The following CCDC90B variants were observed in gnomAD, a reference collection of about 807,000 sequenced individuals.
The protein encoded by CCDC90B is coiled-coil domain-containing protein 90B, mitochondrial.
CCDC90B carries 24 observed loss-of-function variants against 37.0 expected under a neutral mutation model. That is an observed-to-expected ratio of 0.65 (90% CI 0.47 to 0.91). CCDC90B has a LOEUF of 0.91. CCDC90B is among the 40% of genes least tolerant of loss of function. The pLI is 0.00. For synonymous variants in CCDC90B, 113 were observed against 101.1 expected (o/e 1.12, Z -0.71); for missense variants, 319 against 299.0 (o/e 1.07, Z -0.49).
At chr11:83,281,175 G>T (rs1234038763) in intron 1 of CCDC90B, among the ~76,000 whole-genome samples, 1 of 152,166 alleles carries the variant, frequency 6.6e-6, no homozygotes, top group Non-Finnish European at 1.5e-5. Flanking sequence ...ACTCCATGCT[G>T]TCTCTCTTAT....
Position 83,274,653 on chromosome 11 carries a change from TCA to T in CCDC90B, c.410_411del (p.Leu137GlnfsTer5). 1.2e-6 allele frequency: 2 copies of T among 1,603,332 alleles called. No individual in the cohort carries two copies. The highest frequency in any genetic ancestry group is 1.7e-6 in the Non-Finnish European group (2 of 1,173,840). On this transcript the variant is annotated frameshift_variant, in exon 4 of 9. Transcript: ENST00000529689. LOFTEE classifies it high-confidence loss of function. ...ATTTGTATCACCTCATTCTCTGCTC[TCA>T]GATTTGCAAATTCACTTTTCTCTAG... ...VILEKSEFAN[L>X]RAENEKMKIE... is the part of the protein sequence containing the mutation.
intron 3 of CCDC90B, 92 bp from the exon 4 acceptor site, chr11:83,274,832 A>C: frequency 1.3e-6 from 1 of 765,160 alleles, no homozygotes; most frequent in Admixed American, 2.5e-5. Context: ...TGAATTTGTT[A>C]ACATGCTACA....
At chr11:83,262,632 A>T (rs1483632852) in intron 8 of CCDC90B, among the ~76,000 whole-genome samples, 1 of 152,220 alleles carries the variant, frequency 6.6e-6, no homozygotes, top group East Asian at 1.9e-4. Context: ...ATGAATTTTT[A>T]AAAACAGACA....
intron 2 of CCDC90B, among the ~76,000 whole-genome samples, chr11:83,279,158 G>A (rs1350518674): frequency 5.3e-5 from 8 of 152,134 alleles, no homozygotes; most frequent in South Asian, 2.1e-4. Flanking sequence ...GCGGGCGCCC[G>A]TAGTCCCAGC....
Position 83,266,326 on chromosome 11 carries a change from G to A in CCDC90B, c.595-347C>T, listed in dbSNP as rs530112905. Among the ~76,000 whole-genome samples the A allele has an allele frequency of 4.6e-5, 7 of 152,336 alleles. No homozygotes were observed. The South Asian group carries it at 1.2e-3, about 27-fold the overall frequency. On this transcript the variant is annotated intron_variant, in intron 7 of 8. Transcript: ENST00000529689. ...GCATTGCCTCACCCTGGAAGCGCAAGGGGTCAGCGGATTTCCCTTTCCTAG... is the reference window on the plus strand; with the variant it reads ...GCATTGCCTCACCCTGGAAGCGCAAAGGGTCAGCGGATTTCCCTTTCCTAG...
At position 83,261,953 on chromosome 11, in the gene CCDC90B, AG is replaced by A. The variant is rs768829882; in HGVS notation, c.722del (p.Thr241IlefsTer5). 12 of 1,600,426 alleles carry A rather than the reference AG, an allele frequency of 7.5e-6. No homozygotes were observed. The highest frequency in any genetic ancestry group is 1.0e-5 in the Non-Finnish European group (12 of 1,172,502). ...TIRYLAASVF[T>X]CLAIALGFYR... ...AAAATCCCAATGCTATTGCCAGGCA[AG>A]TAAACACCGAAGCTGTGAAAAGAAG... is the stretch of plus-strand genomic sequence containing the variant. On this transcript the variant is annotated frameshift_variant, in exon 9 of 9. Coordinates refer to ENST00000529689, the MANE Select transcript of CCDC90B (RefSeq NM_021825.5). LOFTEE classifies it high-confidence loss of function.
At chr11:83,263,923 A>C (rs547280468) in intron 8 of CCDC90B, among the ~76,000 whole-genome samples, 7 of 152,328 alleles carry the variant, frequency 4.6e-5, no homozygotes, top group South Asian at 2.1e-4. Context: ...TGGCACCTCA[A>C]CATCAGTAGT....
At chr11:83,270,294 G>A (rs1864575523) in intron 7 of CCDC90B, among the ~76,000 whole-genome samples, 1 of 152,230 alleles carries the variant, frequency 6.6e-6, no homozygotes, top group African/African-American at 2.4e-5. Flanking sequence ...AGTGTTGGAA[G>A]TTCTGGCCAG....
chr11:83,262,090 T>C lies in CCDC90B; in HGVS notation c.710-124A>G, dbSNP rs533904821. 1.3e-5 allele frequency: 8 copies of C among 614,710 alleles called. No individual in the cohort carries two copies. The African/African-American group carries it at 1.5e-4, about 12-fold the overall frequency. The allele number at this position is 614,710 out of a possible 1,614,324, so 38.1% of individuals were successfully genotyped here. A position where few individuals can be genotyped will look rare whatever the true frequency, so the allele number is the denominator to read the frequency against. On this transcript the variant is annotated intron_variant, in intron 8 of 8. Transcript: ENST00000529689. The stretch of plus-strand genomic sequence containing the variant: ...GAAATCCAACCAATTTTCTATCCTA[T>C]GTTTTTTATTCCCTAGACAATTAAG...
chr11:83,263,804 C>T (rs560565707), intron 8 of CCDC90B, among the ~76,000 whole-genome samples: 4 of 152,256 alleles, frequency 2.6e-5, no homozygotes, highest in Admixed American at 2.6e-4. Context: ...CACACAGTCA[C>T]AGATTTAAAG....
chr11:83,285,858 G>A lies in CCDC90B; in HGVS notation c.100+15C>T, dbSNP rs758608720. The A allele has an allele frequency of 2.5e-6, 4 of 1,606,804 alleles. No individual in the cohort carries two copies. The highest frequency in any genetic ancestry group is 3.4e-6 in the Non-Finnish European group (4 of 1,177,990). ...GAGAGCACTCAGGCATCTATGACAC[G>A]ACGCCTTGCCTCACCTCTCCGCAGG... On this transcript the variant is annotated intron_variant, in intron 1 of 8. Coordinates refer to ENST00000529689, the MANE Select transcript of CCDC90B (RefSeq NM_021825.5).
intron 8 of CCDC90B, among the ~76,000 whole-genome samples, chr11:83,262,884 T>C (rs796658622): frequency 6.6e-5 from 10 of 152,330 alleles, no homozygotes; most frequent in East Asian, 5.8e-4. Context: ...TGGGCAATTA[T>C]ATATTCTCCC....
At chr11:83,269,877 C>A (rs749181781) in intron 7 of CCDC90B, among the ~76,000 whole-genome samples, 1 of 152,176 alleles carries the variant, frequency 6.6e-6, no homozygotes, top group African/African-American at 2.4e-5. Flanking sequence ...GAGCAATATC[C>A]GTGATGAACG....
At chr11:83,281,421 G>GT (rs200211433) in intron 1 of CCDC90B, among the ~76,000 whole-genome samples, 21 of 151,742 alleles carry the variant, frequency 1.4e-4, no homozygotes, top group East Asian at 5.8e-4. Context: ...AACAGATATT[G>GT]TTTTTTTTAA....
intron 1 of CCDC90B, chr11:83,285,159 A>T: frequency 1.6e-6 from 2 of 1,282,052 alleles, no homozygotes; most frequent in South Asian, 1.3e-5. Flanking sequence ...GTGAACAGAG[A>T]TAAGAGGTGC....
rs145338035 is a variant in CCDC90B, at chr11:83,279,073, G to A, written c.221-244C>T. Among the ~76,000 whole-genome samples, 314 of 152,212 alleles carry A rather than the reference G, an allele frequency of 2.1e-3. 1 individual carries two copies. The highest frequency in any genetic ancestry group is 9.6e-3 in the Admixed American group (147 of 15,282). ...CCGAGGTGGGCAGATCACAAGGTCA[G>A]GAGATTGAGACCATGCTGGCTAACA... On this transcript the variant is annotated intron_variant, in intron 2 of 8. Coordinates refer to ENST00000529689, the MANE Select transcript of CCDC90B (RefSeq NM_021825.5).
chr11:83,286,034 G>C lies in CCDC90B; in HGVS notation c.-62C>G, dbSNP rs966878869. On this transcript the variant is annotated 5_prime_UTR_variant, in exon 1 of 9. Coordinates refer to ENST00000529689, the MANE Select transcript of CCDC90B (RefSeq NM_021825.5). ...CGGGGTAAATCTCGCACAGGCTTTC[G>C]GGCAAGGTAGTTCTGGCACCACAGG... 6.4e-6 allele frequency: 10 copies of C among 1,556,200 alleles called. No homozygotes were observed. The African/African-American group carries it at 1.2e-4, about 19-fold the overall frequency.
chr11:83,286,138 G>A lies in CCDC90B; in HGVS notation c.-166C>T, dbSNP rs1485098995. The A allele has an allele frequency of 2.0e-6, 3 of 1,536,238 alleles. No individual in the cohort carries two copies. Among genetic ancestry groups the A allele is most frequent in the Middle Eastern group, 1.7e-4 (1 of 5,990 alleles). ...CGCCACCGTGGTCCCACGAAACTGG[G>A]TCTCTTCACAGACAGACCCACAGTT... On this transcript the variant is annotated 5_prime_UTR_variant, in exon 1 of 9. Transcript: ENST00000529689.
At chr11:83,285,413 A>T in intron 1 of CCDC90B, 1 of 1,149,798 alleles carries the variant, frequency 8.7e-7, no homozygotes, top group Non-Finnish European at 1.1e-6. Flanking sequence ...TGAGAATTCC[A>T]GTGAGAATAA....
Sources: allele counts gnomAD v4.1 joint callset (sites outside exome capture counted in the v4.1 genomes callset), GRCh38; gene constraint gnomAD v4.1.1; transcripts MANE v1.5; gene names NCBI Gene and HGNC (gene_info 2026-07-23, HGNC 2026-07-21).